The following SLC19A3 variants were observed in gnomAD, a reference collection of about 807,000 sequenced individuals.
SLC19A3 encodes thiamine transporter 2.
Under a neutral mutation model 40.2 loss-of-function variants are expected in SLC19A3, and 31 were observed. The ratio of observed to expected loss-of-function variants is 0.77; its 90% CI spans 0.58 to 1.04. The LOEUF is 1.04. Ranked by LOEUF, SLC19A3 falls within the 50% of genes least tolerant of loss-of-function variation. The pLI is 0.00. For synonymous variants in SLC19A3, 212 were observed against 227.5 expected, an observed-to-expected ratio of 0.93 and a Z score of 0.61; for missense variants, 592 against 596.7, an observed-to-expected ratio of 0.99 and a Z score of 0.08.
At chr2:227,694,539 T>C (rs1185460996) in intron 4 of SLC19A3, among the ~76,000 whole-genome samples, 1 of 152,220 alleles carries the variant, frequency 6.6e-6, no homozygotes, top group East Asian at 1.9e-4. Context: ...AAAGCAAAAC[T>C]TGATGAAGCT....
chr2:227,688,793 G>A (rs1384602129), intron 4 of SLC19A3, among the ~76,000 whole-genome samples: 1 of 152,036 alleles, frequency 6.6e-6, no homozygotes, highest in African/African-American at 2.4e-5. Context: ...AGGCACCAGG[G>A]ACCAATCCTG....
At chr2:227,697,824 T>C (rs1185529098) in intron 3 of SLC19A3, among the ~76,000 whole-genome samples, 1 of 152,098 alleles carries the variant, frequency 6.6e-6, no homozygotes, top group Non-Finnish European at 1.5e-5. Flanking sequence ...ACGCCTGTAA[T>C]CCCAGCACTT....
intron 1 of SLC19A3, among the ~76,000 whole-genome samples, chr2:227,708,190 CT>C (rs973622359): frequency 6.6e-6 from 1 of 151,860 alleles, no homozygotes; most frequent in South Asian, 2.1e-4. Flanking sequence ...TCTTAGTTTT[CT>C]TTTTTTTAAT....
intron 2 of SLC19A3, among the ~76,000 whole-genome samples, chr2:227,700,230 A>G (rs1695630537): frequency 2.6e-5 from 4 of 151,932 alleles, no homozygotes; most frequent in Admixed American, 2.0e-4. Context: ...ACATTAGACA[A>G]GTAGACCACA....
intron 1 of SLC19A3, among the ~76,000 whole-genome samples, chr2:227,712,050 CAAAAA>C (rs397988111): frequency 3.1e-5 from 2 of 65,464 alleles, no homozygotes; most frequent in African/African-American, 1.4e-4. Flanking sequence ...ACTCTGTCTC[CAAAAA>C]AAAAAAAAAA....
intron 1 of SLC19A3, among the ~76,000 whole-genome samples, chr2:227,710,535 A>C (rs1217077708): frequency 6.6e-6 from 1 of 152,084 alleles, no homozygotes; most frequent in Non-Finnish European, 1.5e-5. Context: ...GTCTGTACTA[A>C]AAATATAAAA....
chr2:227,716,039 T>C (rs985616109), intron 1 of SLC19A3, among the ~76,000 whole-genome samples: 2 of 151,292 alleles, frequency 1.3e-5, no homozygotes, highest in Non-Finnish European at 2.9e-5. Flanking sequence ...ATCCTTGAGA[T>C]GCAGTGAAAG....
intron 3 of SLC19A3, among the ~76,000 whole-genome samples, chr2:227,696,425 A>C (rs745814834): frequency 1.3e-5 from 2 of 152,230 alleles, no homozygotes; most frequent in East Asian, 1.9e-4. Context: ...TACAACATGC[A>C]GGGATGGAAA....
chr2:227,715,563 A>T (rs995796694), intron 1 of SLC19A3, among the ~76,000 whole-genome samples: 3 of 152,116 alleles, frequency 2.0e-5, no homozygotes, highest in Non-Finnish European at 2.9e-5. Flanking sequence ...TTATTTTATC[A>T]TATATGGTAC....
At chr2:227,694,724 G>A (rs189032073) in intron 4 of SLC19A3, among the ~76,000 whole-genome samples, 18 of 152,202 alleles carry the variant, frequency 1.2e-4, no homozygotes, top group Non-Finnish European at 2.2e-4. Context: ...CAAAAATGAC[G>A]GGAAATTCTA....
chr2:227,715,251 C>CACA (rs146692568), intron 1 of SLC19A3, among the ~76,000 whole-genome samples: 1 of 145,354 alleles, frequency 6.9e-6, no homozygotes, highest in Non-Finnish European at 1.5e-5. Flanking sequence ...AAACCCCACA[C>CACA]CCCCCCCAAA....
intron 1 of SLC19A3, among the ~76,000 whole-genome samples, chr2:227,716,744 G>T (rs1696347165): frequency 6.6e-6 from 1 of 152,058 alleles, no homozygotes; most frequent in Non-Finnish European, 1.5e-5. Context: ...CTCCCTGTGT[G>T]CATGTTAAAT....
intron 1 of SLC19A3, among the ~76,000 whole-genome samples, chr2:227,713,897 A>C (rs1157228084): frequency 2.0e-5 from 3 of 151,684 alleles, no homozygotes; most frequent in Non-Finnish European, 2.9e-5. Context: ...AGGACATAGC[A>C]TGAAGATTTC....
Position 227,703,776 on chromosome 2 carries a change from C to T in SLC19A3, c.-2-1456G>A, listed in dbSNP as rs1464719218. 2.0e-5 allele frequency among the ~76,000 whole-genome samples: 3 copies of T among 152,254 alleles called. No individual in the cohort carries two copies. The highest frequency in any genetic ancestry group is 1.9e-4 in the East Asian group (1 of 5,178). On this transcript the variant is annotated intron_variant, in intron 1 of 5. Transcript: ENST00000644224. This position sits in a 1 kb window ranked among gnomAD's most constrained non-coding sequence, Gnocchi z 4.7. ...GTCTTGCTGGGGTAGCATCTGCTGG[C>T]TCTATATCCAGAGCCTCCTCTCCAC...
chr2:227,713,387 G>A (rs1054107906), intron 1 of SLC19A3, among the ~76,000 whole-genome samples: 1 of 129,012 alleles, frequency 7.8e-6, no homozygotes, highest in Admixed American at 9.0e-5. Context: ...GGGCTGGACA[G>A]TGAGACCCTG....
In SLC19A3 at chr2:227,686,071, C is replaced by T. The variant is rs1695002476; in HGVS notation, c.*1326G>A. The stretch of plus-strand genomic sequence containing the variant: ...AATTAGCCAGGCGTGGTGGTGTGCA[C>T]CCATAGTCCCAGCTACTTGGGAGGC... On this transcript the variant is annotated 3_prime_UTR_variant, in exon 6 of 6. Transcript: ENST00000644224. 1 of 431,468 alleles carries T rather than the reference C, an allele frequency of 2.3e-6. No homozygotes were observed. The highest frequency in any genetic ancestry group is 4.6e-6 in the Non-Finnish European group (1 of 215,880). The allele number at this position is 431,468 out of a possible 1,614,324, so 26.7% of individuals were successfully genotyped here.
At chr2:227,714,538 C>G (rs1253964107) in intron 1 of SLC19A3, 4 of 985,090 alleles carry the variant, frequency 4.1e-6, no homozygotes, top group Non-Finnish European at 4.8e-6. Flanking sequence ...TCCTGCTGCC[C>G]GCCACTATGA....
chr2:227,695,886 T>G lies in SLC19A3; in HGVS notation c.1172+3A>C. 6.2e-7 allele frequency: 1 copy of G among 1,613,746 alleles called. No individual in the cohort carries two copies. Among genetic ancestry groups the G allele is most frequent in the Non-Finnish European group, 8.5e-7 (1 of 1,179,874 alleles). On this transcript the variant is annotated splice_donor_region_variant and intron_variant, in intron 4 of 5. Coordinates refer to ENST00000644224, the MANE Select transcript of SLC19A3 (RefSeq NM_025243.4). ...AGTTTTAGGAGTGGTTGGTAAAACT[T>G]ACACTGCTATGGTTATAAGAAGCAT...
rs1384017125 is a variant in SLC19A3, at chr2:227,701,328, A to G, written c.150+841T>C. On this transcript the variant is annotated intron_variant, in intron 2 of 5. Transcript: ENST00000644224. ...TGCATTTTCTTGTTGTACTTCTTATAAAGAAATGCGAGGCCGGTGGCGGTG... is the reference window on the plus strand; with the variant it reads ...TGCATTTTCTTGTTGTACTTCTTATGAAGAAATGCGAGGCCGGTGGCGGTG... 1.5e-4 allele frequency: 32 copies of G among 209,446 alleles called. No homozygotes were observed. The Admixed American group carries it at 1.6e-3, about 11-fold the overall frequency. The allele number at this position is 209,446 out of a possible 1,614,324, so 13.0% of individuals were successfully genotyped here. A position where few individuals can be genotyped will look rare whatever the true frequency, so the allele number is the denominator to read the frequency against.
Sources: allele counts gnomAD v4.1 joint callset (sites outside exome capture counted in the v4.1 genomes callset), GRCh38; gene constraint gnomAD v4.1.1; non-coding constraint Gnocchi (gnomAD v3.1); transcripts MANE v1.5; gene names NCBI Gene and HGNC (gene_info 2026-07-23, HGNC 2026-07-21).